DAPK2: variants seen among roughly 807,000 people sequenced by gnomAD.
DAPK2 encodes the protein death-associated protein kinase 2.
Under a neutral mutation model 44.1 loss-of-function variants are expected in DAPK2, and 35 were observed. The ratio of observed to expected loss-of-function variants is 0.79; its 90% CI spans 0.61 to 1.05. The LOEUF (loss-of-function observed/expected upper bound fraction) is 1.05. Among genes scored for constraint, DAPK2 ranks in the 50% least tolerant of loss-of-function variants. The pLI is 0.00. For missense variants in DAPK2, 453 were observed against 483.2 expected, an observed-to-expected ratio of 0.94 and a Z score of 0.59; for synonymous variants, 174 against 182.6, an observed-to-expected ratio of 0.95 and a Z score of 0.38.
chr15:63,991,171 C>A, intron 1 of DAPK2: 1 of 453,124 alleles, frequency 2.2e-6, no homozygotes, highest in Non-Finnish European at 4.4e-6. Context: ...GAGGTCAGAG[C>A]AGGAAACAGG....
chr15:64,038,136 A>G (rs2080258453), intron 1 of DAPK2, among the ~76,000 whole-genome samples: 1 of 152,224 alleles, frequency 6.6e-6, no homozygotes, highest in Non-Finnish European at 1.5e-5. Context: ...CCTTCTTCAG[A>G]GTCCCACTCC....
rs113878140 is a variant in DAPK2 at position 63,912,075 on chromosome 15, C to T, written c.948+33G>A. ...GCCAGAAACCCCGCCCTAGCCCCCA[C>T]CCTGTCCCCCGCCGCCCCAACCCTG... is the stretch of plus-strand genomic sequence containing the variant. On this transcript the variant is annotated intron_variant, in intron 9 of 10. Coordinates refer to ENST00000261891, the Ensembl canonical transcript of DAPK2. This position sits in a 1 kb window ranked among gnomAD's most constrained non-coding sequence, Gnocchi z 4.4. 13 of 1,586,068 alleles carry T rather than the reference C, an allele frequency of 8.2e-6. No individual in the cohort carries two copies. The highest frequency in any genetic ancestry group is 1.7e-4 in the Middle Eastern group (1 of 5,756).
intron 6 of DAPK2, among the ~76,000 whole-genome samples, chr15:63,928,984 C>T (rs557039444): frequency 2.6e-5 from 4 of 152,194 alleles, no homozygotes; most frequent in African/African-American, 7.2e-5. Flanking sequence ...GGATGGACCA[C>T]GAGGTTAGGA....
chr15:63,967,874 T>C (rs2078100641), intron 3 of DAPK2, among the ~76,000 whole-genome samples: 1 of 152,150 alleles, frequency 6.6e-6, no homozygotes, highest in Non-Finnish European at 1.5e-5. Context: ...CCCTCTTCTA[T>C]TACCTGCCCC....
intron 1 of DAPK2, among the ~76,000 whole-genome samples, chr15:64,005,151 C>T (rs992507949): frequency 3.9e-5 from 6 of 152,076 alleles, no homozygotes; most frequent in African/African-American, 1.4e-4. Flanking sequence ...AAGACAAAGA[C>T]ATGTCTTCTG....
chr15:64,041,481 G>A (rs2080352287), upstream of DAPK2, among the ~76,000 whole-genome samples: 1 of 152,192 alleles, frequency 6.6e-6, no homozygotes, highest in African/African-American at 2.4e-5. Context: ...ACAGCCATGT[G>A]CCACTCTGGA....
Position 63,980,667 on chromosome 15 carries a change from T to C in DAPK2, c.314+2866A>G, listed in dbSNP as rs1297764070. Among the ~76,000 whole-genome samples, 2 of 152,212 alleles carry C rather than the reference T, an allele frequency of 1.3e-5. No individual in the cohort carries two copies. The highest frequency in any genetic ancestry group is 2.1e-4 in the South Asian group (1 of 4,830). ...GTTGTTTTATCAGTAAAATTTGTAA[T>C]GGTTAAAAGCTAGGAAATAAAAAGC... is the stretch of plus-strand genomic sequence containing the variant. On this transcript the variant is annotated intron_variant, in intron 2 of 10. Transcript: ENST00000261891. This position sits in a 1 kb window ranked among gnomAD's most constrained non-coding sequence, Gnocchi z 4.3.
intron 1 of DAPK2, among the ~76,000 whole-genome samples, chr15:64,032,705 C>T (rs1014422085): frequency 5.3e-5 from 8 of 152,176 alleles, no homozygotes; most frequent in Admixed American, 4.6e-4. Context: ...AATCCCAGCA[C>T]TTTGGGAGGC....
At chr15:63,953,154 C>T (rs868068446) in intron 3 of DAPK2, among the ~76,000 whole-genome samples, 7 of 152,140 alleles carry the variant, frequency 4.6e-5, no homozygotes, top group African/African-American at 1.7e-4. Context: ...CCCCGAGTCC[C>T]CAAAGTCCAT....
At chr15:64,025,505 C>T (rs958110509) in intron 1 of DAPK2, among the ~76,000 whole-genome samples, 17 of 152,198 alleles carry the variant, frequency 1.1e-4, no homozygotes, top group African/African-American at 2.9e-4. Context: ...CTCTGCTCAC[C>T]GCTGCATCCT....
intron 3 of DAPK2, among the ~76,000 whole-genome samples, chr15:63,958,894 G>C (rs1160477399): frequency 1.3e-5 from 2 of 152,214 alleles, no homozygotes; most frequent in African/African-American, 4.8e-5. Context: ...TGTGAAGAAA[G>C]TCATTGGTAG....
chr15:63,926,209 A>G, intron 6 of DAPK2, 116 bp from the exon 8 acceptor site: 1 of 1,191,118 alleles, frequency 8.4e-7, no homozygotes, highest in Non-Finnish European at 1.2e-6. Context: ...GCTCCCAGCA[A>G]CACAGCCTGC....
intron 1 of DAPK2, among the ~76,000 whole-genome samples, chr15:64,026,199 G>C (rs902535369): frequency 5.9e-5 from 9 of 152,020 alleles, no homozygotes; most frequent in African/African-American, 2.2e-4. Flanking sequence ...CAGAGCCCTG[G>C]GGTGCTTTGC....
intron 1 of DAPK2, among the ~76,000 whole-genome samples, chr15:64,023,170 G>A (rs1281417053): frequency 1.3e-5 from 2 of 152,220 alleles, no homozygotes; most frequent in African/African-American, 4.8e-5. Context: ...AAGGCAAAGA[G>A]TGACAGCAGG....
In DAPK2 at chr15:63,980,296, G is replaced by A. The variant is rs923513786; in HGVS notation, c.314+3237C>T. ...ATTTACCTGCCACATCCCCGCCACC[G>A]ACTCCTAGGGTTCTACAAACAGGAA... On this transcript the variant is annotated intron_variant, in intron 2 of 10. Transcript: ENST00000261891. The surrounding 1 kb of genome is among the most constrained non-coding windows in gnomAD (Gnocchi z 4.3). Among the ~76,000 whole-genome samples the A allele has an allele frequency of 6.6e-6, 1 of 152,138 alleles. No homozygotes were observed. Among genetic ancestry groups the A allele is most frequent in the African/African-American group, 2.4e-5 (1 of 41,430 alleles).
At chr15:64,042,796 G>C (rs2141226571), upstream of DAPK2, among the ~76,000 whole-genome samples, 1 of 152,320 alleles carries the variant, frequency 6.6e-6, no homozygotes, top group Middle Eastern at 3.4e-3. This position sits in a 1 kb window ranked among gnomAD's most constrained non-coding sequence, Gnocchi z 4.7. Context: ...TGCCAGGGGA[G>C]GCCCAGCTGG....
intron 1 of DAPK2, chr15:63,991,223 T>C (rs751961473): frequency 1.8e-5 from 8 of 455,866 alleles, no homozygotes; most frequent in South Asian, 1.2e-4. Context: ...GGAGGAAAAG[T>C]TTACCAAAGC....
intron 3 of DAPK2, among the ~76,000 whole-genome samples, chr15:63,969,393 C>A (rs2078144788): frequency 6.6e-6 from 1 of 151,590 alleles, no homozygotes. Flanking sequence ...GCACTCCAGC[C>A]TGGGTGACAG....
chr15:63,938,068 T>C (rs938828010), intron 4 of DAPK2, among the ~76,000 whole-genome samples: 5 of 152,222 alleles, frequency 3.3e-5, no homozygotes, highest in Non-Finnish European at 7.3e-5. Context: ...TCTCCACGTG[T>C]GTTAAACTGG....
Sources: allele counts gnomAD v4.1 joint callset (sites outside exome capture counted in the v4.1 genomes callset), GRCh38; gene constraint gnomAD v4.1.1; non-coding constraint Gnocchi (gnomAD v3.1); transcripts MANE v1.5; gene names NCBI Gene and HGNC (gene_info 2026-07-23, HGNC 2026-07-21).